The following BAZ1A variants were observed in gnomAD, a reference collection of about 807,000 sequenced individuals.
BAZ1A encodes bromodomain adjacent to zinc finger domain 1A, also known as bromodomain adjacent to zinc finger domain protein 1A.
In BAZ1A, 50 loss-of-function variants were observed where a neutral mutation model predicts 185.2. The ratio of observed to expected loss-of-function variants is 0.27; its 90% CI spans 0.22 to 0.34. BAZ1A has a LOEUF of 0.34. BAZ1A is among the 10% of genes least tolerant of loss of function. The pLI is 1.00. For missense variants in BAZ1A, 1,356 were observed against 1,839.9 expected (o/e 0.74, Z 4.81); for synonymous variants, 571 against 615.6 (o/e 0.93, Z 1.07).
At chr14:34,760,279 T>C (rs1353847600) in intron 24 of BAZ1A, among the ~76,000 whole-genome samples, 10 of 152,048 alleles carry the variant, frequency 6.6e-5, no homozygotes, top group Non-Finnish European at 1.2e-4. Context: ...GCTTGGAGAA[T>C]TGGGGAAAAG....
rs563971809 is a variant in BAZ1A at position 34,820,233 on chromosome 14, C to G, written c.536+5780G>C. 5.4e-4 allele frequency among the ~76,000 whole-genome samples: 81 copies of G among 149,778 alleles called. 1 individual carries two copies. Among genetic ancestry groups the G allele is most frequent in the African/African-American group, 1.9e-3 (76 of 40,884 alleles). ...TTCCACCTCCTAGGTTCAAGCCATC[C>G]TCCCACCTCAGCCTCCCGAGTAGCT... On this transcript the variant is annotated intron_variant, in intron 4 of 26. Transcript: ENST00000360310.
chr14:34,795,401 A>G (rs1159349885), intron 10 of BAZ1A, among the ~76,000 whole-genome samples: 2 of 152,236 alleles, frequency 1.3e-5, no homozygotes, highest in Non-Finnish European at 2.9e-5. Flanking sequence ...AGCTAAATGC[A>G]TGCCTGGCTA....
intron 23 of BAZ1A, among the ~76,000 whole-genome samples, chr14:34,763,498 A>G (rs1376972377): frequency 6.6e-6 from 1 of 151,900 alleles, no homozygotes; most frequent in Admixed American, 6.6e-5. Context: ...ATGACTGGCT[A>G]TGGTCAGGCC....
intron 2 of BAZ1A, among the ~76,000 whole-genome samples, chr14:34,869,589 T>C (rs1366955149): frequency 6.6e-6 from 1 of 152,248 alleles, no homozygotes; most frequent in Non-Finnish European, 1.5e-5. Flanking sequence ...GTTCTTAGGA[T>C]GGTTTTCATT....
At chr14:34,773,905 A>G (rs763930327) in intron 19 of BAZ1A, among the ~76,000 whole-genome samples, 179 bp from the exon 20 acceptor site, 1 of 152,270 alleles carries the variant, frequency 6.6e-6, no homozygotes, top group African/African-American at 2.4e-5. Flanking sequence ...TTCTTCATAG[A>G]TGAAAACCAT....
At position 34,776,146 on chromosome 14, in the gene BAZ1A, G is replaced by C. The variant is rs778551733; in HGVS notation, c.2606C>G (p.Ser869Cys). Residue 869 changes from serine (S) to cysteine (C), a missense_variant, in exon 18 of 27, where the codon TCC becomes TGC. Physicochemically the swap from Ser to Cys is moderately radical, Grantham distance 112. Transcript: ENST00000360310. ...GTCACGTGGACCTTGGTCAATGTTG[G>C]AGGTAGATTCAGACATCAAAGGCTC... ...TGEPLMSEST[S>C]NIDQGPRDHS... 1 of 1,614,190 alleles carries C rather than the reference G, an allele frequency of 6.2e-7. No homozygotes were observed. The highest frequency in any genetic ancestry group is 1.7e-5 in the Admixed American group (1 of 60,028).
chr14:34,815,019 C>T lies in BAZ1A; in HGVS notation c.537-3983G>A, dbSNP rs1488558405. ...CGAACTCCTGACCTCAGGTAATCCA[C>T]CCACCTTGGCCTCCCAAAGTGCTGG... is the stretch of plus-strand genomic sequence containing the variant. On this transcript the variant is annotated intron_variant, in intron 4 of 26. Transcript: ENST00000360310. Among the ~76,000 whole-genome samples, 4 of 152,116 alleles carry T rather than the reference C, an allele frequency of 2.6e-5. No homozygotes were observed. The East Asian group carries it at 7.7e-4, about 29-fold the overall frequency.
chr14:34,784,316 C>T (rs1301953705), intron 14 of BAZ1A, among the ~76,000 whole-genome samples: 1 of 124,906 alleles, frequency 8.0e-6, no homozygotes, highest in African/African-American at 3.2e-5. Flanking sequence ...TGCGTTGCGC[C>T]AAGATCGCAC....
rs772794599 is a variant in BAZ1A, at chr14:34,794,928, G to A, written c.1225-41C>T. On this transcript the variant is annotated intron_variant, in intron 10 of 26. Transcript: ENST00000360310. ...ATTTATATAACTATTTGAACCAAGA[G>A]CAGGAAAACTTAAAAGGCAGAGATG... is the stretch of plus-strand genomic sequence containing the variant. 1.1e-5 allele frequency: 17 copies of A among 1,592,304 alleles called. No individual in the cohort carries two copies. In the East Asian group the frequency reaches 2.5e-4, roughly 23 times the overall value.
At chr14:34,863,152 CTTTTTTTTT>C (rs71121233) in intron 2 of BAZ1A, among the ~76,000 whole-genome samples, 16 of 44,704 alleles carry the variant, frequency 3.6e-4, no homozygotes, top group African/African-American at 8.7e-4. Context: ...CCACGCTCGG[CTTTTTTTTT>C]TTTTTTTTTT....
Position 34,783,902 on chromosome 14 carries a change from A to G in BAZ1A, c.1857T>C (p.Ala619=), listed in dbSNP as rs1880225410. The change falls in exon 15 of 27, where the codon GCT becomes GCC. Residue 619 remains alanine, a synonymous_variant. Coordinates refer to ENST00000360310, the MANE Select transcript of BAZ1A (RefSeq NM_013448.3). ...CTAGGGTCAGTAGCTTTCCACAGAG[A>G]GCATGGAGTATCTTCATTTTTTCTC... ...TPGEKMKILH[A]LCGKLLTLVS... 1 of 1,596,482 alleles carries G rather than the reference A, an allele frequency of 6.3e-7. No individual in the cohort carries two copies. The highest frequency in any genetic ancestry group is 8.5e-7 in the Non-Finnish European group (1 of 1,175,066).
intron 17 of BAZ1A, among the ~76,000 whole-genome samples, chr14:34,776,848 C>T (rs1267104519): frequency 2.0e-5 from 3 of 152,132 alleles, no homozygotes; most frequent in African/African-American, 7.2e-5. Context: ...AAGAAAAAGC[C>T]TTTCAGACAC....
intron 17 of BAZ1A, among the ~76,000 whole-genome samples, chr14:34,778,360 C>A (rs1200179556): frequency 2.6e-5 from 4 of 152,180 alleles, no homozygotes; most frequent in Non-Finnish European, 5.9e-5. Flanking sequence ...TTGACTTTGA[C>A]AGTATGTTGG....
intron 7 of BAZ1A, among the ~76,000 whole-genome samples, chr14:34,802,166 ATT>A (rs1391199287): frequency 2.0e-5 from 3 of 152,098 alleles, no homozygotes; most frequent in African/African-American, 7.2e-5. Flanking sequence ...GTCAAATTTT[ATT>A]TTTATTTTAT....
intron 2 of BAZ1A, among the ~76,000 whole-genome samples, chr14:34,872,081 G>A (rs763063813): frequency 3.9e-5 from 6 of 152,014 alleles, no homozygotes; most frequent in Admixed American, 6.6e-5. Context: ...AATTATTTCC[G>A]TTCAGTCATA....
chr14:34,858,282 G>C (rs1211876067), intron 3 of BAZ1A, among the ~76,000 whole-genome samples: 1 of 152,004 alleles, frequency 6.6e-6, no homozygotes, highest in Non-Finnish European at 1.5e-5. Context: ...TTTTGAGACA[G>C]ACTCGTGCTT....
In BAZ1A at chr14:34,776,406, G is replaced by A; in HGVS notation, c.2346C>T (p.His782=). ...ADEEEALKQE[H]QRKEKELLEK... is the part of the protein sequence containing the mutation. ...CTAAGAGCTCTTTCTCTTTTCGTTG[G>A]TGTTCCTGTTTTAATGCTTCTTCCT... The change falls in exon 18 of 27, where the codon CAC becomes CAT. Residue 782 remains histidine (H), a synonymous_variant. Transcript: ENST00000360310. 3 of 1,614,018 alleles carry A rather than the reference G, an allele frequency of 1.9e-6. No individual in the cohort carries two copies. The highest frequency in any genetic ancestry group is 2.5e-6 in the Non-Finnish European group (3 of 1,180,032).
chr14:34,874,224 A>C lies in BAZ1A; in HGVS notation c.113+268T>G. On this transcript the variant is annotated intron_variant, in intron 2 of 26. Coordinates refer to ENST00000360310, the MANE Select transcript of BAZ1A (RefSeq NM_013448.3). This position sits in a 1 kb window ranked among gnomAD's most constrained non-coding sequence, Gnocchi z 4.7. ...GCCAAGAGGGCGGGAGGGCGACAGCAGCGGCTAGGAGCGGTCCCCGAGGCC... is the reference window on the plus strand; with the variant it reads ...GCCAAGAGGGCGGGAGGGCGACAGCCGCGGCTAGGAGCGGTCCCCGAGGCC... The C allele has an allele frequency of 2.9e-6, 1 of 350,752 alleles. No homozygotes were observed. The highest frequency in any genetic ancestry group is 5.2e-6 in the Non-Finnish European group (1 of 191,068). The allele number at this position is 350,752 out of a possible 1,614,324, so 21.7% of individuals were successfully genotyped here.
At chr14:34,765,420 A>T (rs1878775077) in intron 21 of BAZ1A, 152 bp from the exon 22 acceptor site, 6 of 922,646 alleles carry the variant, frequency 6.5e-6, no homozygotes, top group Non-Finnish European at 9.4e-6. Flanking sequence ...TAAAAACAAA[A>T]ATCTCATGGA....
Sources: allele counts gnomAD v4.1 joint callset (sites outside exome capture counted in the v4.1 genomes callset), GRCh38; gene constraint gnomAD v4.1.1; non-coding constraint Gnocchi (gnomAD v3.1); transcripts MANE v1.5; gene names NCBI Gene and HGNC (gene_info 2026-07-23, HGNC 2026-07-21).